The following ITPKB variants were observed in gnomAD, a reference collection of about 807,000 sequenced individuals.
ITPKB encodes inositol-trisphosphate 3-kinase B.
In ITPKB, 13 loss-of-function variants were observed where a neutral mutation model predicts 69.4. The ratio of observed to expected loss-of-function variants is 0.19; its 90% CI spans 0.12 to 0.30. The LOEUF (loss-of-function observed/expected upper bound fraction) is 0.30, where lower values mean the gene tolerates loss of function less well. Ranked by LOEUF, ITPKB falls within the 10% of genes least tolerant of loss-of-function variation. The pLI, the probability that ITPKB is intolerant of heterozygous loss-of-function variation, is 1.00. For synonymous variants in ITPKB, 584 were observed against 513.7 expected (o/e 1.14, Z -1.85); for missense variants, 1,240 against 1,250.5 (o/e 0.99, Z 0.13).
intron 2 of ITPKB, among the ~76,000 whole-genome samples, chr1:226,727,158 G>A (rs1022046984): frequency 1.3e-5 from 2 of 152,066 alleles, no homozygotes; most frequent in African/African-American, 2.4e-5. Context: ...GATAGCTAAC[G>A]CGTAAGAGCA....
Position 226,735,791 on chromosome 1 carries a change from G to A in ITPKB, c.1668C>T (p.Phe556=). The part of the protein sequence containing the change: ...ELLPQDPDKP[F]LRKACSPSNI... ...TGCTGGGGCTGCAGGCCTTCCTCAGGAAAGGCTTGTCCGGATCTTGGGGTA... is the reference window on the plus strand; with the variant it reads ...TGCTGGGGCTGCAGGCCTTCCTCAGAAAAGGCTTGTCCGGATCTTGGGGTA... The change falls in exon 2 of 8, where the codon TTC becomes TTT. Residue 556 remains phenylalanine, a synonymous_variant. Transcript: ENST00000429204. The A allele has an allele frequency of 6.2e-7, 1 of 1,603,880 alleles. No individual in the cohort carries two copies. The highest frequency in any genetic ancestry group is 1.7e-5 in the Admixed American group (1 of 59,638).
At chr1:226,640,863 G>A (rs1470249013) in intron 5 of ITPKB, among the ~76,000 whole-genome samples, 3 of 152,196 alleles carry the variant, frequency 2.0e-5, no homozygotes, top group South Asian at 4.1e-4. Context: ...ACATGCCACC[G>A]TGGGCAGCGA....
At chr1:226,709,834 T>C (rs935549410) in intron 2 of ITPKB, among the ~76,000 whole-genome samples, 6 of 152,178 alleles carry the variant, frequency 3.9e-5, no homozygotes, top group African/African-American at 1.4e-4. Context: ...GTGCTTAACT[T>C]GTTTGGTGCA....
At chr1:226,657,730 G>A (rs532032317) in intron 2 of ITPKB, among the ~76,000 whole-genome samples, 1 of 152,212 alleles carries the variant, frequency 6.6e-6, no homozygotes, top group African/African-American at 2.4e-5. Context: ...GTTGAGAGGG[G>A]TTTAGTAACT....
intron 3 of ITPKB, among the ~76,000 whole-genome samples, chr1:226,647,626 C>T: frequency 6.6e-6 from 1 of 152,246 alleles, no homozygotes; most frequent in East Asian, 1.9e-4. Context: ...CACCAGTGTT[C>T]CCTGCTGGAA....
intron 2 of ITPKB, among the ~76,000 whole-genome samples, chr1:226,710,934 C>CA (rs1461651204): frequency 6.6e-6 from 1 of 152,156 alleles, no homozygotes; most frequent in Non-Finnish European, 1.5e-5. Flanking sequence ...AACACCAACT[C>CA]AAAGAATTAT....
rs866561198 is a variant in ITPKB at position 226,736,944 on chromosome 1, G to A, written c.515C>T (p.Ala172Val). 6.2e-7 allele frequency: 1 copy of A among 1,608,456 alleles called. No homozygotes were observed. The part of the protein sequence containing the change: ...QAPRSPRLGR[A>V]RSPSPCPFRS... The stretch of plus-strand genomic sequence containing the variant: ...GAAGGGGCACGGGGAGGGCGAGCGA[G>A]CCCTGCCCAAACGCGGGCTGCGGGG... Residue 172 changes from alanine to valine, a missense_variant, in exon 2 of 8, where the codon GCT (alanine) becomes GTT (valine). Ala to Val is a moderately conservative substitution (Grantham distance 64). Around this residue, in one of 2 missense-constraint regions of ITPKB, gnomAD observed 992 missense variants for 853.8 expected, o/e 1.16. Transcript: ENST00000429204.
At position 226,632,679 on chromosome 1, in the gene ITPKB, T is replaced by C. The variant is rs1668751183; in HGVS notation, c.*1992A>G. 6.5e-6 allele frequency: 1 copy of C among 152,684 alleles called. No individual in the cohort carries two copies. Among genetic ancestry groups the C allele is most frequent in the South Asian group, 2.1e-4 (1 of 4,838 alleles). The allele number at this position is 152,684 out of a possible 1,614,324, so 9.5% of individuals were successfully genotyped here. A position where few individuals can be genotyped will look rare whatever the true frequency, so the allele number is the denominator to read the frequency against. On this transcript the variant is annotated 3_prime_UTR_variant, in exon 8 of 8. Transcript: ENST00000429204. ...AGCACATCATTTGCATATTAGCACA[T>C]TGTTTGCAAACAGCTGGTGTCTGCC...
intron 2 of ITPKB, among the ~76,000 whole-genome samples, chr1:226,660,715 G>A (rs932186593): frequency 3.9e-5 from 6 of 152,210 alleles, no homozygotes; most frequent in East Asian, 1.9e-4. Context: ...TGCTGGGCCC[G>A]GAGGCTAGGA....
At chr1:226,681,884 T>A (rs1656100977) in intron 2 of ITPKB, among the ~76,000 whole-genome samples, 1 of 152,008 alleles carries the variant, frequency 6.6e-6, no homozygotes, top group South Asian at 2.1e-4. Flanking sequence ...AAGCTGGGAG[T>A]TCAGACGCTG....
In ITPKB at chr1:226,736,535, C is replaced by T; in HGVS notation, c.924G>A (p.Ala308=). The change falls in exon 2 of 8, where the codon GCG becomes GCA. Residue 308 remains alanine (A), a synonymous_variant. Transcript: ENST00000429204. The stretch of plus-strand genomic sequence containing the variant: ...GGTGTGGCCCAGTGGATGTAACTCT[C>T]GCTGCCACTTCCGTGGCCATCGTTA... ...ASLTMATEVA[A]RVTSTGPHRP... 1.2e-6 allele frequency: 2 copies of T among 1,613,890 alleles called. No individual in the cohort carries two copies. Among genetic ancestry groups the T allele is most frequent in the South Asian group, 2.2e-5 (2 of 91,088 alleles).
intron 2 of ITPKB, 32 bp from the exon 3 acceptor site, chr1:226,648,803 A>G (rs1336211892): frequency 1.0e-5 from 14 of 1,393,070 alleles, no homozygotes; most frequent in Non-Finnish European, 1.4e-5. Context: ...GCTCTACATT[A>G]GAAAGACAAC....
intron 2 of ITPKB, among the ~76,000 whole-genome samples, chr1:226,710,138 T>C (rs1656907546): frequency 6.6e-6 from 1 of 152,014 alleles, no homozygotes; most frequent in African/African-American, 2.4e-5. Flanking sequence ...TGCTAACAGG[T>C]AGCATTGGAA....
chr1:226,696,475 C>T (rs890527546), intron 2 of ITPKB, among the ~76,000 whole-genome samples: 12 of 152,112 alleles, frequency 7.9e-5, no homozygotes, highest in Non-Finnish European at 1.3e-4. Flanking sequence ...CTTCCACTTC[C>T]GACAAGGCCA....
At chr1:226,715,459 T>G (rs1202089912) in intron 2 of ITPKB, among the ~76,000 whole-genome samples, 1 of 152,174 alleles carries the variant, frequency 6.6e-6, no homozygotes, top group African/African-American at 2.4e-5. Context: ...CCAGAAGATT[T>G]AAGAAACCAG....
chr1:226,678,780 G>A (rs1655989471), intron 2 of ITPKB, among the ~76,000 whole-genome samples: 1 of 152,264 alleles, frequency 6.6e-6, no homozygotes, highest in Non-Finnish European at 1.5e-5. Flanking sequence ...CGGTGTTCAT[G>A]ATAGGCTTAT....
rs1430918082 is a variant in ITPKB, at chr1:226,737,585, G to T, written c.-127C>A. 2 of 1,196,464 alleles carry T rather than the reference G, an allele frequency of 1.7e-6. No individual in the cohort carries two copies. Among genetic ancestry groups the T allele is most frequent in the Non-Finnish European group, 2.1e-6 (2 of 968,138 alleles). The allele number at this position is 1,196,464 out of a possible 1,614,324, so 74.1% of individuals were successfully genotyped here. A position where few individuals can be genotyped will look rare whatever the true frequency, so the allele number is the denominator to read the frequency against. ...AGCCGCGGCTCCGCGCGCAGATGGG[G>T]CGGCATGGCCTGGGCAGCGGGCTGG... On this transcript the variant is annotated 5_prime_UTR_variant, in exon 2 of 8. Coordinates refer to ENST00000429204, the MANE Select transcript of ITPKB (RefSeq NM_002221.4).
intron 2 of ITPKB, among the ~76,000 whole-genome samples, chr1:226,655,089 A>G (rs1352896019): frequency 6.6e-6 from 1 of 150,798 alleles, no homozygotes; most frequent in Non-Finnish European, 1.5e-5. Context: ...GGGAGGAGGA[A>G]GAGGAGGGCA....
chr1:226,690,612 T>C (rs1656326963), intron 2 of ITPKB, among the ~76,000 whole-genome samples: 1 of 152,214 alleles, frequency 6.6e-6, no homozygotes, highest in Non-Finnish European at 1.5e-5. Context: ...TTTCTTCAGA[T>C]ATAAAACAGG....
Sources: gnomAD v4.1 joint callset for allele counts (sites outside exome capture counted in the v4.1 genomes callset) on GRCh38, gnomAD v4.1.1 for gene constraint, gnomAD v4.1.1 regional missense constraint, MANE v1.5 for transcripts, NCBI Gene and HGNC (gene_info 2026-07-23, HGNC 2026-07-21) for gene names.